The following DGKG variants were observed in gnomAD, a reference collection of about 807,000 sequenced individuals.
The protein encoded by DGKG is DAG kinase gamma.
Under a neutral mutation model 105.3 loss-of-function variants are expected in DGKG, and 78 were observed. The ratio of observed to expected loss-of-function variants is 0.74; its 90% CI spans 0.62 to 0.89. The LOEUF is 0.89. Ranked by LOEUF, DGKG falls within the 40% of genes least tolerant of loss-of-function variation. The pLI is 0.00. For missense variants in DGKG, 958 were observed against 1,020.1 expected (o/e 0.94, Z 0.83); for synonymous variants, 346 against 367.1 (o/e 0.94, Z 0.66).
chr3:186,241,042 C>T (rs921737252), intron 20 of DGKG, among the ~76,000 whole-genome samples: 3 of 152,114 alleles, frequency 2.0e-5, no homozygotes, highest in African/African-American at 7.2e-5. Flanking sequence ...CAAGAAGATG[C>T]TGTGGCAGGA....
chr3:186,286,831 C>G (rs1005832185), intron 6 of DGKG, among the ~76,000 whole-genome samples: 1 of 151,912 alleles, frequency 6.6e-6, no homozygotes, highest in Non-Finnish European at 1.5e-5. Flanking sequence ...GTCAGAAGTT[C>G]GAGACCAGCC....
chr3:186,219,602 T>C (rs1385846361), intron 20 of DGKG, among the ~76,000 whole-genome samples: 1 of 152,176 alleles, frequency 6.6e-6, no homozygotes, highest in Non-Finnish European at 1.5e-5. Context: ...CTGGCTTGTT[T>C]CCATACTTGG....
In DGKG at chr3:186,149,810, G is replaced by A; in HGVS notation, c.*280C>T. On this transcript the variant is annotated 3_prime_UTR_variant, in exon 25 of 25. Transcript: ENST00000265022. ...AATTCTGCTCAAGGCCTGTGGGAATGTGGAGGTTGCTGCCTAAGCCAGCCA... is the reference window on the plus strand; with the variant it reads ...AATTCTGCTCAAGGCCTGTGGGAATATGGAGGTTGCTGCCTAAGCCAGCCA... 2 of 1,156,316 alleles carry A rather than the reference G, an allele frequency of 1.7e-6. No individual in the cohort carries two copies. The highest frequency in any genetic ancestry group is 2.1e-6 in the Non-Finnish European group (2 of 937,382). The allele number at this position is 1,156,316 out of a possible 1,614,324, so 71.6% of individuals were successfully genotyped here. A position where few individuals can be genotyped will look rare whatever the true frequency, so the allele number is the denominator to read the frequency against.
intron 20 of DGKG, among the ~76,000 whole-genome samples, chr3:186,235,396 G>A (rs1272642556): frequency 1.3e-5 from 2 of 152,160 alleles, no homozygotes; most frequent in East Asian, 3.9e-4. Flanking sequence ...CTCTTTTGAG[G>A]TGCCAAATAT....
At chr3:186,324,193 T>G (rs1030109) in intron 1 of DGKG, among the ~76,000 whole-genome samples, 56,995 of 150,876 alleles carry the variant, frequency 0.38, 12,105 homozygotes, top group African/African-American at 0.57. Flanking sequence ...AGAGGACGCA[T>G]AGGCACACTG....
chr3:186,161,141 G>C lies in DGKG; in HGVS notation c.2277+462C>G, dbSNP rs552651673. The stretch of plus-strand genomic sequence containing the variant: ...CTCTGCGAGGAATTTTCTCCCGGGA[G>C]CTCCAGCAGTCAAAGGCGCTACCCT... On this transcript the variant is annotated intron_variant, in intron 24 of 24. Transcript: ENST00000265022. 6.1e-6 allele frequency: 6 copies of C among 987,768 alleles called. No individual in the cohort carries two copies. The African/African-American group carries it at 1.0e-4, about 17-fold the overall frequency. 61.2% of individuals were successfully genotyped at this position (987,768 alleles called of 1,614,324 possible).
Position 186,241,509 on chromosome 3 carries a change from C to T in DGKG, c.1826+995G>A, listed in dbSNP as rs571156380. Among the ~76,000 whole-genome samples, 315 of 152,016 alleles carry T rather than the reference C, an allele frequency of 2.1e-3. 1 individual carries two copies. Among genetic ancestry groups the T allele is most frequent in the African/African-American group, 6.5e-3 (269 of 41,442 alleles). ...AGGAGGTTGCAGTGAGACAAGATCACGCCACTGCACTCTGGCCTGGGTGAC... is the reference window on the plus strand; with the variant it reads ...AGGAGGTTGCAGTGAGACAAGATCATGCCACTGCACTCTGGCCTGGGTGAC... On this transcript the variant is annotated intron_variant, in intron 20 of 24. Coordinates refer to ENST00000265022, the MANE Select transcript of DGKG (RefSeq NM_001346.3).
chr3:186,288,933 T>C, intron 5 of DGKG, 53 bp from the exon 6 acceptor site: 4 of 1,475,422 alleles, frequency 2.7e-6, no homozygotes, highest in Middle Eastern at 1.9e-4. Flanking sequence ...TAGTAAATAT[T>C]AACCCCTCTT....
In DGKG at chr3:186,320,702, C is replaced by T; in HGVS notation, c.-243G>A. The T allele has an allele frequency of 4.3e-6, 2 of 467,314 alleles. No homozygotes were observed. Among genetic ancestry groups the T allele is most frequent in the Non-Finnish European group, 7.3e-6 (2 of 275,184 alleles). The allele number at this position is 467,314 out of a possible 1,614,324, so 28.9% of individuals were successfully genotyped here. ...TTCAAGGTAAATTCAGAAGTCCTGG[C>T]TCTTCCTAGATAGAAGCAGAAAAGA... is the stretch of plus-strand genomic sequence containing the variant. On this transcript the variant is annotated 5_prime_UTR_variant, in exon 2 of 25. Coordinates refer to ENST00000265022, the MANE Select transcript of DGKG (RefSeq NM_001346.3).
rs192725340 is a variant in DGKG, at chr3:186,231,704, A to C, written c.1826+10800T>G. Among the ~76,000 whole-genome samples the C allele has an allele frequency of 6.6e-6, 1 of 152,292 alleles. No homozygotes were observed. Among genetic ancestry groups the C allele is most frequent in the Admixed American group, 6.5e-5 (1 of 15,298 alleles). On this transcript the variant is annotated intron_variant, in intron 20 of 24. Coordinates refer to ENST00000265022, the MANE Select transcript of DGKG (RefSeq NM_001346.3). This position sits in a 1 kb window ranked among gnomAD's most constrained non-coding sequence, Gnocchi z 4.5. ...GAAGCCTAGGTGGTTGGATCAACTGAGGTCAGGAGTTTGAGACCAGCCTGG... is the reference window on the plus strand; with the variant it reads ...GAAGCCTAGGTGGTTGGATCAACTGCGGTCAGGAGTTTGAGACCAGCCTGG...
intron 2 of DGKG, among the ~76,000 whole-genome samples, chr3:186,310,820 T>C (rs115806761): frequency 0.011 from 1,649 of 152,348 alleles, 30 homozygotes; most frequent in African/African-American, 0.037. Flanking sequence ...GAGTGCTTAT[T>C]ATATGCTAGA....
intron 24 of DGKG, among the ~76,000 whole-genome samples, chr3:186,155,997 A>AT (rs1239773452): frequency 2.7e-4 from 40 of 149,992 alleles, no homozygotes; most frequent in East Asian, 1.7e-3. Flanking sequence ...CATTGTTAGT[A>AT]TTTTTTTTTT....
Position 186,275,549 on chromosome 3 carries a change from G to A in DGKG, c.908C>T (p.Thr303Ile), listed in dbSNP as rs745608402. 5.6e-6 allele frequency: 9 copies of A among 1,613,720 alleles called. No homozygotes were observed. Among genetic ancestry groups the A allele is most frequent in the South Asian group, 1.1e-5 (1 of 91,076 alleles). The change falls in exon 10 of 25, where the codon ACT becomes ATT. Residue 303 changes from threonine to isoleucine, a missense_variant and splice_region_variant. Transcript: ENST00000265022. ...MGVRKQGLCC[T>I]YCKYTVHERC... Reference sequence around the variant, plus strand: ...AGGTTTGAAGGAAATTTACTCACAAGTGCAGCACAGGCCTTGCTTGCGGAC... The same window carrying A: ...AGGTTTGAAGGAAATTTACTCACAAATGCAGCACAGGCCTTGCTTGCGGAC...
Position 186,149,808 on chromosome 3 carries a change from A to C in DGKG, c.*282T>G. 1.8e-6 allele frequency: 2 copies of C among 1,141,336 alleles called. No homozygotes were observed. The highest frequency in any genetic ancestry group is 1.1e-6 in the Non-Finnish European group (1 of 928,016). 70.7% of individuals were successfully genotyped at this position (1,141,336 alleles called of 1,614,324 possible). On this transcript the variant is annotated 3_prime_UTR_variant, in exon 25 of 25. Coordinates refer to ENST00000265022, the MANE Select transcript of DGKG (RefSeq NM_001346.3). Reference sequence around the variant, plus strand: ...AAAATTCTGCTCAAGGCCTGTGGGAATGTGGAGGTTGCTGCCTAAGCCAGC... The same window carrying C: ...AAAATTCTGCTCAAGGCCTGTGGGACTGTGGAGGTTGCTGCCTAAGCCAGC...
intron 19 of DGKG, among the ~76,000 whole-genome samples, chr3:186,245,292 C>T (rs867628603): frequency 1.3e-5 from 2 of 152,298 alleles, no homozygotes; most frequent in South Asian, 4.1e-4. Context: ...TTGGCAAATA[C>T]ACAAAGTAGC....
chr3:186,195,648 C>T (rs1718143223), intron 21 of DGKG, among the ~76,000 whole-genome samples: 1 of 152,190 alleles, frequency 6.6e-6, no homozygotes, highest in African/African-American at 2.4e-5. Context: ...GACTGCATTT[C>T]TGACCCCCTT....
Position 186,260,515 on chromosome 3 carries a change from T to G in DGKG, c.1350-2A>C. ...AGATAGTGGAATTTCCGAAGAATTC[T>G]ATGGAAAAAAAAAGAAAAGGAGGGA... On this transcript the variant is annotated splice_acceptor_variant, in intron 15 of 24. Coordinates refer to ENST00000265022, the MANE Select transcript of DGKG (RefSeq NM_001346.3). LOFTEE classifies it high-confidence loss of function. 1 of 1,608,234 alleles carries G rather than the reference T, an allele frequency of 6.2e-7. No homozygotes were observed. Among genetic ancestry groups the G allele is most frequent in the South Asian group, 1.1e-5 (1 of 90,658 alleles).
At chr3:186,313,345 G>A (rs1017775798) in intron 2 of DGKG, 1 of 190,230 alleles carries the variant, frequency 5.3e-6, no homozygotes, top group African/African-American at 2.4e-5. Flanking sequence ...TTATATAGAA[G>A]CAGAGGAAAT....
intron 20 of DGKG, among the ~76,000 whole-genome samples, chr3:186,238,875 G>A (rs1423582779): frequency 6.6e-6 from 1 of 152,142 alleles, no homozygotes; most frequent in Non-Finnish European, 1.5e-5. Flanking sequence ...ATCTAGAGAG[G>A]CCATGGAGGA....
Sources: gnomAD v4.1 joint callset for allele counts (sites outside exome capture counted in the v4.1 genomes callset) on GRCh38, gnomAD v4.1.1 for gene constraint, Gnocchi (gnomAD v3.1) non-coding constraint, MANE v1.5 for transcripts, NCBI Gene and HGNC (gene_info 2026-07-23, HGNC 2026-07-21) for gene names.